The following ASB7 variants were observed in gnomAD, a reference collection of about 807,000 sequenced individuals.
ASB7 encodes the protein ankyrin repeat and SOCS box containing 7, also known as ankyrin repeat and SOCS box protein 7.
In ASB7, 4 loss-of-function variants were observed where a neutral mutation model predicts 32.5. The ratio of observed to expected loss-of-function variants is 0.12; its 90% CI spans 0.06 to 0.28. The LOEUF is 0.28. ASB7 is among the 10% of genes least tolerant of loss of function. ASB7 has a pLI of 1.00. For missense variants in ASB7, 181 were observed against 407.1 expected, an observed-to-expected ratio of 0.44 and a Z score of 4.78; for synonymous variants, 172 against 155.6, an observed-to-expected ratio of 1.11 and a Z score of -0.78.
intron 4 of ASB7, among the ~76,000 whole-genome samples, chr15:100,625,863 G>A (rs1056401161): frequency 2.0e-5 from 3 of 152,116 alleles, no homozygotes; most frequent in East Asian, 3.8e-4. Flanking sequence ...GAAATAGAGC[G>A]ACACTTTTAT....
intron 5 of ASB7, among the ~76,000 whole-genome samples, chr15:100,631,450 C>A (rs2039882913): frequency 2.0e-5 from 3 of 152,196 alleles, no homozygotes; most frequent in Non-Finnish European, 4.4e-5. Flanking sequence ...CTGAGACACA[C>A]AGAAGTCGCC....
At chr15:100,645,836 T>G (rs907899285) in intron 5 of ASB7, 3 of 1,153,436 alleles carry the variant, frequency 2.6e-6, no homozygotes, top group Admixed American at 3.5e-5. Flanking sequence ...TCCCACACGC[T>G]AATTTCATGG....
intron 4 of ASB7, among the ~76,000 whole-genome samples, chr15:100,618,406 C>T (rs1239026265): frequency 6.6e-6 from 1 of 152,100 alleles, no homozygotes; most frequent in Non-Finnish European, 1.5e-5. Flanking sequence ...TGAGCCACCG[C>T]GTCCAGTCTC....
At chr15:100,617,718 G>A (rs962002962) in intron 4 of ASB7, among the ~76,000 whole-genome samples, 3 of 152,124 alleles carry the variant, frequency 2.0e-5, no homozygotes, top group Non-Finnish European at 2.9e-5. Flanking sequence ...TATCATAAGC[G>A]TAATGAATTG....
At chr15:100,645,758 G>A in intron 5 of ASB7, 1 of 1,585,018 alleles carries the variant, frequency 6.3e-7, no homozygotes, top group East Asian at 2.2e-5. Context: ...TTTACAAAGT[G>A]GAGAATAGGA....
chr15:100,630,350 C>A, intron 5 of ASB7: 1 of 336,430 alleles, frequency 3.0e-6, no homozygotes, highest in Non-Finnish European at 4.7e-6. Context: ...CAAGGCAATT[C>A]CTGTTGGTCA....
At chr15:100,635,951 C>T (rs2039919835) in intron 5 of ASB7, among the ~76,000 whole-genome samples, 1 of 152,192 alleles carries the variant, frequency 6.6e-6, no homozygotes, top group Non-Finnish European at 1.5e-5. Flanking sequence ...CTCACCTCCT[C>T]ATGCTGGAGC....
At chr15:100,634,310 C>T (rs188418924) in intron 5 of ASB7, among the ~76,000 whole-genome samples, 67 of 152,298 alleles carry the variant, frequency 4.4e-4, no homozygotes, top group African/African-American at 1.4e-3. Flanking sequence ...TAATCATATA[C>T]GTATTCACGT....
chr15:100,607,331 T>G (rs1465449355), intron 2 of ASB7, among the ~76,000 whole-genome samples: 1 of 152,246 alleles, frequency 6.6e-6, no homozygotes, highest in Admixed American at 6.5e-5. Context: ...ATATTGTGTT[T>G]GCTTTTCAGC....
intron 5 of ASB7, among the ~76,000 whole-genome samples, chr15:100,634,177 CT>C (rs2039905419): frequency 6.6e-6 from 1 of 152,116 alleles, no homozygotes; most frequent in Admixed American, 6.5e-5. Flanking sequence ...TTCTTATCTT[CT>C]TCCTCACAGG....
At chr15:100,624,503 A>AAAG (rs1374072667) in intron 4 of ASB7, among the ~76,000 whole-genome samples, 2 of 152,238 alleles carry the variant, frequency 1.3e-5, no homozygotes, top group Non-Finnish European at 2.9e-5. Flanking sequence ...TAGACATCAA[A>AAAG]AAGATTAGGA....
intron 2 of ASB7, among the ~76,000 whole-genome samples, chr15:100,603,914 A>T (rs2039607411): frequency 6.6e-6 from 1 of 152,216 alleles, no homozygotes; most frequent in Non-Finnish European, 1.5e-5. Context: ...TGAAGACAAC[A>T]TTATTACCCT....
At chr15:100,647,427 T>C (rs1006046542) in intron 5 of ASB7, among the ~76,000 whole-genome samples, 2 of 152,204 alleles carry the variant, frequency 1.3e-5, no homozygotes, top group African/African-American at 4.8e-5. Flanking sequence ...TATATTAGCT[T>C]TATTATCATG....
intron 4 of ASB7, among the ~76,000 whole-genome samples, chr15:100,617,717 C>T (rs1014569358): frequency 3.4e-4 from 52 of 152,156 alleles, no homozygotes; most frequent in Non-Finnish European, 6.0e-4. Flanking sequence ...CTATCATAAG[C>T]GTAATGAATT....
At chr15:100,648,050 G>A (rs941932198) in intron 5 of ASB7, among the ~76,000 whole-genome samples, 1 of 152,168 alleles carries the variant, frequency 6.6e-6, no homozygotes, top group Non-Finnish European at 1.5e-5. Flanking sequence ...AGCCTTAATT[G>A]GTTGTCTGAT....
intron 4 of ASB7, 67 bp downstream of exon 4, chr15:100,612,494 G>T (rs1338846615): frequency 1.4e-6 from 2 of 1,411,350 alleles, no homozygotes; most frequent in East Asian, 4.6e-5. Flanking sequence ...TTTAAAATGT[G>T]TCTATTTGTA....
At chr15:100,640,364 C>T (rs1167923769) in intron 5 of ASB7, among the ~76,000 whole-genome samples, 1 of 152,124 alleles carries the variant, frequency 6.6e-6, no homozygotes, top group Admixed American at 6.5e-5. Context: ...AGGCTGGTCT[C>T]GAACTCCTGA....
At position 100,639,432 on chromosome 15, in the gene ASB7, G is replaced by A. The variant is rs2039946451; in HGVS notation, c.818-8891G>A. Reference sequence around the variant, plus strand: ...TTAAATAAGGAGTAAGAAAGATCACGACTCCTTTTTTTTTAATTTTAAGAA... The same window carrying A: ...TTAAATAAGGAGTAAGAAAGATCACAACTCCTTTTTTTTTAATTTTAAGAA... On this transcript the variant is annotated intron_variant, in intron 5 of 5. Coordinates refer to ENST00000332783, the MANE Select transcript of ASB7 (RefSeq NM_198243.3). Among the ~76,000 whole-genome samples, 5 of 152,116 alleles carry A rather than the reference G, an allele frequency of 3.3e-5. No individual in the cohort carries two copies. The South Asian group carries it at 6.2e-4, about 19-fold the overall frequency.
chr15:100,644,852 C>T lies in ASB7; in HGVS notation c.818-3471C>T, dbSNP rs1165338452. On this transcript the variant is annotated intron_variant, in intron 5 of 5. Coordinates refer to ENST00000332783, the MANE Select transcript of ASB7 (RefSeq NM_198243.3). The stretch of plus-strand genomic sequence containing the variant: ...AGTGTGTGTGTGTCACATCCCTGTA[C>T]AGATCCATGTACAGACATCTGTGGA... Among the ~76,000 whole-genome samples the T allele has an allele frequency of 3.3e-5, 5 of 152,140 alleles. No homozygotes were observed. In the East Asian group the frequency reaches 9.6e-4, roughly 29 times the overall value.
Sources: gnomAD v4.1 joint callset for allele counts (sites outside exome capture counted in the v4.1 genomes callset) on GRCh38, gnomAD v4.1.1 for gene constraint, MANE v1.5 for transcripts, NCBI Gene and HGNC (gene_info 2026-07-23, HGNC 2026-07-21) for gene names.